The following ADAMTS12 variants were observed in gnomAD, a reference collection of about 807,000 sequenced individuals.
The protein encoded by ADAMTS12 is ADAM metallopeptidase with thrombospondin type 1 motif 12, also known as A disintegrin and metalloproteinase with thrombospondin motifs 12.
Under a neutral mutation model 167.8 loss-of-function variants are expected in ADAMTS12, and 118 were observed. That is an observed-to-expected ratio of 0.70 (90% CI 0.61 to 0.82). ADAMTS12 has a LOEUF of 0.82. ADAMTS12 is among the 40% of genes least tolerant of loss of function. The pLI is 0.00. For synonymous variants in ADAMTS12, 704 were observed against 716.9 expected (o/e 0.98, Z 0.29); for missense variants, 1,916 against 1,998.8 (o/e 0.96, Z 0.79).
intron 22 of ADAMTS12, among the ~76,000 whole-genome samples, chr5:33,539,064 C>A (rs1296542800): frequency 6.6e-6 from 1 of 152,108 alleles, no homozygotes; most frequent in Non-Finnish European, 1.5e-5. Context: ...GCCTCAGCCT[C>A]CGGAGTAGCT....
At chr5:33,709,554 A>G (rs1743320101) in intron 3 of ADAMTS12, among the ~76,000 whole-genome samples, 1 of 152,222 alleles carries the variant, frequency 6.6e-6, no homozygotes, top group African/African-American at 2.4e-5. Flanking sequence ...TGTCCTTTGC[A>G]GGGACATGGA....
intron 19 of ADAMTS12, among the ~76,000 whole-genome samples, chr5:33,570,835 C>A (rs1221046077): frequency 3.3e-5 from 5 of 150,680 alleles, no homozygotes; most frequent in African/African-American, 7.3e-5. Context: ...CATCAGTGTG[C>A]TGTATTCAGG....
chr5:33,879,572 A>T (rs1750354284), intron 2 of ADAMTS12, among the ~76,000 whole-genome samples: 1 of 152,298 alleles, frequency 6.6e-6, no homozygotes, highest in South Asian at 2.1e-4. Flanking sequence ...TGAGGCCCAG[A>T]GAGAAGAGGA....
At chr5:33,792,803 G>A (rs766346541) in intron 2 of ADAMTS12, among the ~76,000 whole-genome samples, 1 of 152,220 alleles carries the variant, frequency 6.6e-6, no homozygotes, top group African/African-American at 2.4e-5. Context: ...AGCAGAGTGT[G>A]AGCCGAACTC....
intron 9 of ADAMTS12, among the ~76,000 whole-genome samples, chr5:33,646,882 T>C (rs1740686157): frequency 6.6e-6 from 1 of 151,972 alleles, no homozygotes; most frequent in Non-Finnish European, 1.5e-5. Flanking sequence ...AGAAATACCA[T>C]GAAAGTGAGA....
chr5:33,587,768 G>A (rs938479893), intron 18 of ADAMTS12, among the ~76,000 whole-genome samples: 51 of 152,286 alleles, frequency 3.3e-4, no homozygotes, highest in African/African-American at 1.2e-3. Flanking sequence ...GAAGCATACG[G>A]CTTCTCAAGG....
chr5:33,660,184 C>A (rs1431262158), intron 6 of ADAMTS12, among the ~76,000 whole-genome samples: 1 of 152,136 alleles, frequency 6.6e-6, no homozygotes, highest in African/African-American at 2.4e-5. Flanking sequence ...TGCAAACAGA[C>A]CCCTGTCCTA....
chr5:33,677,873 G>A (rs1331439979), intron 5 of ADAMTS12, among the ~76,000 whole-genome samples: 1 of 152,110 alleles, frequency 6.6e-6, no homozygotes, highest in Non-Finnish European at 1.5e-5. Context: ...TCCAAAGTGA[G>A]TTTTACACCC....
chr5:33,721,488 A>T (rs185258422), intron 3 of ADAMTS12, among the ~76,000 whole-genome samples: 1 of 152,188 alleles, frequency 6.6e-6, no homozygotes, highest in Non-Finnish European at 1.5e-5. Context: ...TAGCTCCAAC[A>T]TGGCTGGAGA....
intron 2 of ADAMTS12, among the ~76,000 whole-genome samples, chr5:33,795,387 A>T (rs58831670): frequency 0.011 from 1,704 of 152,358 alleles, 30 homozygotes; most frequent in African/African-American, 0.039. Context: ...CCCACGATGT[A>T]GTGCACTAAA....
intron 5 of ADAMTS12, among the ~76,000 whole-genome samples, chr5:33,669,768 A>T (rs1316679685): frequency 6.6e-6 from 1 of 152,110 alleles, no homozygotes; most frequent in East Asian, 1.9e-4. Context: ...GAGCAACTAG[A>T]TATCCACAGG....
chr5:33,636,766 C>T (rs957261926), intron 12 of ADAMTS12, among the ~76,000 whole-genome samples: 1 of 152,130 alleles, frequency 6.6e-6, no homozygotes, highest in African/African-American at 2.4e-5. Flanking sequence ...TTTTCTGTTT[C>T]ATTTCCTACT....
chr5:33,669,281 T>C (rs1741586656), intron 5 of ADAMTS12, among the ~76,000 whole-genome samples: 1 of 152,160 alleles, frequency 6.6e-6, no homozygotes, highest in African/African-American at 2.4e-5. Flanking sequence ...ACCACAGTCT[T>C]TTCTTTTGTT....
At chr5:33,851,952 G>A (rs974643799) in intron 2 of ADAMTS12, among the ~76,000 whole-genome samples, 1 of 152,168 alleles carries the variant, frequency 6.6e-6, no homozygotes. Context: ...TAATTTGTCC[G>A]GAAGCTCTGC....
At chr5:33,683,830 T>C in intron 4 of ADAMTS12, 29 bp downstream of exon 4, 1 of 1,407,654 alleles carries the variant, frequency 7.1e-7, no homozygotes, top group Non-Finnish European at 9.3e-7. Context: ...GTTCACTAGC[T>C]GCCCCAGCCC....
intron 20 of ADAMTS12, 113 bp from the exon 21 acceptor site, chr5:33,549,496 T>G: frequency 1.5e-6 from 2 of 1,292,560 alleles, no homozygotes; most frequent in Non-Finnish European, 2.1e-6. Context: ...GGGTTAGGTC[T>G]AGTTCCGGTG....
chr5:33,529,556 G>C (rs1012905119), intron 23 of ADAMTS12, among the ~76,000 whole-genome samples: 2 of 152,156 alleles, frequency 1.3e-5, no homozygotes, highest in African/African-American at 4.8e-5. Flanking sequence ...GTCAGGAAAA[G>C]TAGAAATGGA....
At chr5:33,797,473 A>G (rs1201381266) in intron 2 of ADAMTS12, among the ~76,000 whole-genome samples, 1 of 130,882 alleles carries the variant, frequency 7.6e-6, no homozygotes, top group Non-Finnish European at 1.8e-5. Flanking sequence ...TCTGAAACAC[A>G]GGAGAAAGAT....
intron 2 of ADAMTS12, among the ~76,000 whole-genome samples, chr5:33,869,213 T>C (rs187643559): frequency 6.6e-6 from 1 of 152,202 alleles, no homozygotes; most frequent in African/African-American, 2.4e-5. Flanking sequence ...GCTCCAGCCA[T>C]GGCTAAAAGG....
Sources: gnomAD v4.1 joint callset for allele counts (sites outside exome capture counted in the v4.1 genomes callset) on GRCh38, gnomAD v4.1.1 for gene constraint, MANE v1.5 for transcripts, NCBI Gene and HGNC (gene_info 2026-07-23, HGNC 2026-07-21) for gene names.